The following MTUS1 variants were observed in gnomAD, a reference collection of about 807,000 sequenced individuals.
MTUS1 encodes microtubule-associated tumor suppressor 1.
MTUS1 carries 109 observed loss-of-function variants against 120.8 expected under a neutral mutation model. The ratio of observed to expected loss-of-function variants is 0.90; its 90% CI spans 0.77 to 1.06. MTUS1 has a LOEUF of 1.06. MTUS1 is among the 50% of genes least tolerant of loss of function. The pLI, the probability that MTUS1 is intolerant of heterozygous loss-of-function variation, is 0.00. For synonymous variants in MTUS1, 737 were observed against 550.5 expected, an observed-to-expected ratio of 1.34 and a Z score of -4.74; for missense variants, 2,210 against 1,486.3, an observed-to-expected ratio of 1.49 and a Z score of -8.01.
intron 1 of MTUS1, among the ~76,000 whole-genome samples, chr8:17,756,265 G>C (rs1384950643): frequency 6.6e-6 from 1 of 152,184 alleles, no homozygotes; most frequent in Non-Finnish European, 1.5e-5. Context: ...AAAGAGAGGA[G>C]GAGGTAAATC....
chr8:17,749,750 C>T (rs1319592287), intron 2 of MTUS1, among the ~76,000 whole-genome samples: 1 of 151,992 alleles, frequency 6.6e-6, no homozygotes, highest in Non-Finnish European at 1.5e-5. Flanking sequence ...GTTGTCTCTC[C>T]TTTCTAGACA....
At chr8:17,672,028 G>C (rs564619150) in intron 8 of MTUS1, among the ~76,000 whole-genome samples, 31 of 152,138 alleles carry the variant, frequency 2.0e-4, no homozygotes, top group Non-Finnish European at 4.3e-4. Flanking sequence ...AACTAGGAGT[G>C]GATGGACAAA....
At chr8:17,667,990 A>G (rs1218375195) in intron 8 of MTUS1, among the ~76,000 whole-genome samples, 1 of 152,252 alleles carries the variant, frequency 6.6e-6, no homozygotes, top group East Asian at 1.9e-4. Flanking sequence ...TTAGTGAATT[A>G]AGGATTAAAA....
At chr8:17,782,982 G>A (rs2050996514) in intron 1 of MTUS1, among the ~76,000 whole-genome samples, 1 of 152,190 alleles carries the variant, frequency 6.6e-6, no homozygotes, top group South Asian at 2.1e-4. Context: ...GGAGGCTGAG[G>A]CAGGAGAATC....
In MTUS1 at chr8:17,754,616, T is replaced by A. The variant is rs549706998; in HGVS notation, c.1192A>T (p.Ser398Cys). Residue 398 changes from serine (S) to cysteine (C), a missense_variant, in exon 2 of 15, where the codon AGT becomes TGT. Physicochemically the swap from Ser to Cys is moderately radical, Grantham distance 112. Transcript: ENST00000693296. The part of the protein sequence containing the change: ...TQNHTSELIL[S>C]SPPGQKVGSS... ...CCCACCTTTTGTCCTGGCGGGCTACTTAGAATCAATTCTGAGGTATGATTT... is the reference window on the plus strand; with the variant it reads ...CCCACCTTTTGTCCTGGCGGGCTACATAGAATCAATTCTGAGGTATGATTT... The A allele has an allele frequency of 9.3e-6, 15 of 1,614,226 alleles. 1 individual carries two copies. In the South Asian group the frequency reaches 1.5e-4, roughly 17 times the overall value.
Position 17,645,616 on chromosome 8 carries a change from C to T in MTUS1, c.*310G>A, listed in dbSNP as rs3203733. 117,726 of 224,708 alleles carry T rather than the reference C, an allele frequency of 0.52. 33,108 individuals carry two copies. The highest frequency in any genetic ancestry group is 0.71 in the East Asian group (6,501 of 9,108). The allele number at this position is 224,708 out of a possible 1,614,324, so 13.9% of individuals were successfully genotyped here. On this transcript the variant is annotated 3_prime_UTR_variant, in exon 15 of 15. Transcript: ENST00000693296. Reference sequence around the variant, plus strand: ...AATAGGGCCCTGAGAGTTTTTCCCCCTATGCTTAGGTGAAAAAGGCAATGA... The same window carrying T: ...AATAGGGCCCTGAGAGTTTTTCCCCTTATGCTTAGGTGAAAAAGGCAATGA...
intron 7 of MTUS1, among the ~76,000 whole-genome samples, chr8:17,679,467 T>TG (rs1813842925): frequency 6.9e-6 from 1 of 143,944 alleles, no homozygotes; most frequent in African/African-American, 2.5e-5. Context: ...CCCATGATTT[T>TG]TTTTCTCCAA....
At chr8:17,728,920 G>C (rs554127755) in intron 3 of MTUS1, among the ~76,000 whole-genome samples, 1 of 152,304 alleles carries the variant, frequency 6.6e-6, no homozygotes, top group South Asian at 2.1e-4. Flanking sequence ...GCCAGGGTTA[G>C]AGAAGTGAGA....
intron 7 of MTUS1, among the ~76,000 whole-genome samples, chr8:17,680,837 G>A (rs1044352840): frequency 6.6e-6 from 1 of 152,148 alleles, no homozygotes; most frequent in Non-Finnish European, 1.5e-5. Context: ...GACACATGAA[G>A]GAAGGGTGGA....
At chr8:17,692,661 G>A (rs570767711) in intron 6 of MTUS1, among the ~76,000 whole-genome samples, 4 of 152,256 alleles carry the variant, frequency 2.6e-5, no homozygotes, top group African/African-American at 9.6e-5. Flanking sequence ...AACAGATGGG[G>A]GTCTAATTGA....
At chr8:17,734,280 T>C (rs142591983) in intron 3 of MTUS1, 205 of 152,332 alleles carry the variant, frequency 1.3e-3, no homozygotes, top group African/African-American at 4.7e-3. Flanking sequence ...GATTTATATG[T>C]TGCAAATAGT....
rs540617708 is a variant in MTUS1 at position 17,678,088 on chromosome 8, A to G, written c.2839-2836T>C. Among the ~76,000 whole-genome samples the G allele has an allele frequency of 3.3e-5, 5 of 152,264 alleles. No homozygotes were observed. The South Asian group carries it at 1.0e-3, about 32-fold the overall frequency. On this transcript the variant is annotated intron_variant, in intron 7 of 14. Transcript: ENST00000693296. ...CAAGGGCTTTAAATACCATCCATAG[A>G]TGAAATGCTGACCCCAGTGCCCATA...
intron 5 of MTUS1, among the ~76,000 whole-genome samples, chr8:17,713,942 C>G (rs1181894036): frequency 6.6e-6 from 1 of 152,188 alleles, no homozygotes; most frequent in African/African-American, 2.4e-5. Flanking sequence ...ACTGTTGCGA[C>G]ATAACCTATC....
intron 1 of MTUS1, among the ~76,000 whole-genome samples, chr8:17,794,649 A>G (rs1264072054): frequency 6.6e-6 from 1 of 152,248 alleles, no homozygotes; most frequent in Non-Finnish European, 1.5e-5. Context: ...TTAGGGTCAC[A>G]GTAATAAGCA....
intron 1 of MTUS1, among the ~76,000 whole-genome samples, chr8:17,768,368 T>C (rs2049731726): frequency 6.6e-6 from 1 of 152,092 alleles, no homozygotes; most frequent in Non-Finnish European, 1.5e-5. Flanking sequence ...GAATAAGAGA[T>C]CTGGGTTAAA....
chr8:17,678,559 A>G (rs1014942973), intron 7 of MTUS1, among the ~76,000 whole-genome samples: 8 of 152,180 alleles, frequency 5.3e-5, no homozygotes, highest in Non-Finnish European at 1.0e-4. Context: ...CATCAACAGC[A>G]TAGAGCATCT....
intron 1 of MTUS1, among the ~76,000 whole-genome samples, chr8:17,784,531 G>C (rs1054819929): frequency 6.6e-6 from 1 of 152,064 alleles, no homozygotes; most frequent in Non-Finnish European, 1.5e-5. Context: ...CTAATCTCAG[G>C]TGATCTGCCT....
chr8:17,784,078 C>G (rs2051101924), intron 1 of MTUS1, among the ~76,000 whole-genome samples: 1 of 143,598 alleles, frequency 7.0e-6, no homozygotes, highest in African/African-American at 2.6e-5. Context: ...TGCCTTTCTC[C>G]AAATGATTTC....
intron 7 of MTUS1, among the ~76,000 whole-genome samples, chr8:17,682,612 T>A (rs1022961828): frequency 1.3e-5 from 2 of 148,362 alleles, no homozygotes; most frequent in Non-Finnish European, 3.0e-5. Context: ...AGCAAAGACA[T>A]AGGAAGGGGA....
Sources: gnomAD v4.1 joint callset for allele counts (sites outside exome capture counted in the v4.1 genomes callset) on GRCh38, gnomAD v4.1.1 for gene constraint, MANE v1.5 for transcripts, NCBI Gene and HGNC (gene_info 2026-07-23, HGNC 2026-07-21) for gene names.